The following TRPC4AP variants were observed in gnomAD, a reference collection of about 807,000 sequenced individuals.
TRPC4AP encodes short transient receptor potential channel 4-associated protein.
A neutral mutation model predicts 99.0 loss-of-function variants in TRPC4AP; 45 were observed. The ratio of observed to expected loss-of-function variants is 0.45; its 90% CI spans 0.36 to 0.58. The LOEUF (loss-of-function observed/expected upper bound fraction) is 0.58, where lower values mean the gene tolerates loss of function less well. TRPC4AP is among the 20% of genes least tolerant of loss of function. The pLI is 0.00. For synonymous variants in TRPC4AP, 408 were observed against 385.8 expected (o/e 1.06, Z -0.67); for missense variants, 879 against 985.3 (o/e 0.89, Z 1.44).
chr20:35,019,590 G>A (rs978894747), intron 9 of TRPC4AP, among the ~76,000 whole-genome samples: 6 of 152,168 alleles, frequency 3.9e-5, no homozygotes, highest in African/African-American at 1.4e-4. Context: ...TCAAACAACT[G>A]TGAAAGTGCC....
intron 9 of TRPC4AP, among the ~76,000 whole-genome samples, chr20:35,019,386 C>T (rs1234090628): frequency 6.6e-6 from 1 of 152,152 alleles, no homozygotes; most frequent in Non-Finnish European, 1.5e-5. Context: ...AACCTGGCAA[C>T]AAGAAGGCTC....
chr20:35,049,255 TG>T (rs2083637896), intron 6 of TRPC4AP, among the ~76,000 whole-genome samples: 1 of 150,852 alleles, frequency 6.6e-6, no homozygotes, highest in Admixed American at 6.6e-5. Flanking sequence ...CGATCATAGC[TG>T]TTTTTTTTTT....
chr20:35,030,190 A>G (rs928089031), intron 8 of TRPC4AP: 1 of 149,384 alleles, frequency 6.7e-6, no homozygotes, highest in Non-Finnish European at 1.5e-5. Flanking sequence ...GCGGGGAGCC[A>G]AGATGGTACC....
chr20:35,081,884 C>G (rs2084656828), intron 1 of TRPC4AP, among the ~76,000 whole-genome samples: 1 of 152,130 alleles, frequency 6.6e-6, no homozygotes, highest in Admixed American at 6.6e-5. Context: ...ACTCGAGAGG[C>G]TGAGGCAGGA....
chr20:35,041,591 A>C (rs2083447497), intron 7 of TRPC4AP, among the ~76,000 whole-genome samples: 1 of 152,230 alleles, frequency 6.6e-6, no homozygotes, highest in African/African-American at 2.4e-5. Context: ...TTCCGTTCTC[A>C]GTTAATCAAA....
intron 3 of TRPC4AP, 42 bp from the exon 4 acceptor site, chr20:35,057,613 G>T (rs767321200): frequency 1.3e-6 from 2 of 1,492,072 alleles, no homozygotes; most frequent in South Asian, 1.1e-5. Flanking sequence ...TTAATTCAAA[G>T]TATAACTTAT....
chr20:35,009,710 A>G (rs2082589911), intron 12 of TRPC4AP, among the ~76,000 whole-genome samples: 1 of 152,232 alleles, frequency 6.6e-6, no homozygotes, highest in East Asian at 1.9e-4. Context: ...GATAAAGTCC[A>G]CTGTATTCTG....
chr20:35,007,565 C>T lies in TRPC4AP; in HGVS notation c.1671G>A (p.Lys557=), dbSNP rs750248599. The change falls in exon 14 of 19, where the codon AAG becomes AAA. Residue 557 remains lysine, a synonymous_variant. Coordinates refer to ENST00000252015, the MANE Select transcript of TRPC4AP (RefSeq NM_015638.3). Reference sequence around the variant, plus strand: ...CAGATCATACCTCCAAGAGGCCTCGCTTCAGCAGGAACATCTGGTCTGCAT... The same window carrying T: ...CAGATCATACCTCCAAGAGGCCTCGTTTCAGCAGGAACATCTGGTCTGCAT... ...TSYADQMFLL[K]RGLLEHILYC... The T allele has an allele frequency of 6.2e-7, 1 of 1,614,196 alleles. No homozygotes were observed. The highest frequency in any genetic ancestry group is 1.6e-4 in the Middle Eastern group (1 of 6,062).
At chr20:35,083,477 T>C in intron 1 of TRPC4AP, among the ~76,000 whole-genome samples, 1 of 150,818 alleles carries the variant, frequency 6.6e-6, no homozygotes, top group East Asian at 1.9e-4. Flanking sequence ...GGCGTGATGG[T>C]GGGCGCCTGT....
intron 5 of TRPC4AP, among the ~76,000 whole-genome samples, chr20:35,052,049 T>C (rs114829197): frequency 8.0e-4 from 122 of 152,152 alleles, no homozygotes; most frequent in African/African-American, 2.8e-3. Flanking sequence ...AACTACATTT[T>C]TCGGGGGAGA....
At chr20:35,057,436 G>A (rs749564748) in intron 4 of TRPC4AP, 78 bp downstream of exon 4, 1 of 1,190,920 alleles carries the variant, frequency 8.4e-7, no homozygotes. Context: ...GGAAGGGAAG[G>A]AAGAAGGCAG....
intron 1 of TRPC4AP, among the ~76,000 whole-genome samples, chr20:35,089,038 A>C (rs1448538330): frequency 3.4e-5 from 3 of 88,740 alleles, no homozygotes; most frequent in Non-Finnish European, 5.2e-5. Context: ...TTAACTATAC[A>C]CCTTTTTTTT....
intron 1 of TRPC4AP, among the ~76,000 whole-genome samples, chr20:35,089,097 G>A (rs1210404675): frequency 6.6e-6 from 1 of 150,546 alleles, no homozygotes; most frequent in Non-Finnish European, 1.5e-5. Context: ...TCAAACTCCT[G>A]GGCTCAAACA....
At chr20:35,022,200 G>T (rs2082906247) in intron 8 of TRPC4AP, among the ~76,000 whole-genome samples, 1 of 152,206 alleles carries the variant, frequency 6.6e-6, no homozygotes, top group South Asian at 2.1e-4. Flanking sequence ...CTGTCACCCA[G>T]GCTGGAGTGC....
intron 7 of TRPC4AP, among the ~76,000 whole-genome samples, chr20:35,037,767 T>C (rs35801271): frequency 6.6e-6 from 1 of 152,194 alleles, no homozygotes. Context: ...TATAATACTG[T>C]ATTTTTACTA....
intron 2 of TRPC4AP, among the ~76,000 whole-genome samples, chr20:35,070,619 C>T (rs938566684): frequency 6.6e-6 from 1 of 152,094 alleles, no homozygotes; most frequent in Non-Finnish European, 1.5e-5. Context: ...ACCGTGGTCT[C>T]CATCTCCTAA....
rs759091256 is a variant in TRPC4AP, at chr20:35,003,171, A to G, written c.2369T>C (p.Ile790Thr). 12 of 1,613,858 alleles carry G rather than the reference A, an allele frequency of 7.4e-6. No homozygotes were observed. The highest frequency in any genetic ancestry group is 4.5e-5 in the East Asian group (2 of 44,890). Reference protein sequence around the residue: ...VSYIEEPYMDIDRDFTEE With the variant: ...VSYIEEPYMDTDRDFTEE ...TCACTCCTCAGTGAAGTCCCTGTCT[A>G]TGTCCATGTAGGGCTCCTCAATGTA... is the stretch of plus-strand genomic sequence containing the variant. Residue 790 changes from isoleucine to threonine, a missense_variant, in exon 19 of 19, where the codon ATA (isoleucine) becomes ACA (threonine). Around this residue, in one of 3 missense-constraint regions of TRPC4AP, gnomAD observed 224 missense variants for 264.7 expected, o/e 0.85. Transcript: ENST00000252015.
At chr20:35,091,834 C>T (rs979885654) in intron 1 of TRPC4AP, among the ~76,000 whole-genome samples, 4 of 152,162 alleles carry the variant, frequency 2.6e-5, no homozygotes, top group Non-Finnish European at 5.9e-5. Context: ...TTGATCTCCA[C>T]AACAATCTTA....
At chr20:35,056,777 C>A (rs1192957394) in intron 4 of TRPC4AP, among the ~76,000 whole-genome samples, 1 of 151,218 alleles carries the variant, frequency 6.6e-6, no homozygotes, top group Non-Finnish European at 1.5e-5. Flanking sequence ...GTCAGGAGTT[C>A]GAGACCAGCC....
Sources: allele counts gnomAD v4.1 joint callset (sites outside exome capture counted in the v4.1 genomes callset), GRCh38; gene constraint gnomAD v4.1.1; regional missense constraint gnomAD v4.1.1; transcripts MANE v1.5; gene names NCBI Gene and HGNC (gene_info 2026-07-23, HGNC 2026-07-21).